Variants in GTF2E2 observed in about 807,000 individuals in gnomAD.
GTF2E2 encodes the protein transcription initiation factor IIE subunit beta.
GTF2E2 carries 21 observed loss-of-function variants against 40.5 expected under a neutral mutation model. That is an observed-to-expected ratio of 0.52 (90% CI 0.37 to 0.75). GTF2E2 has a LOEUF of 0.75. Among genes scored for constraint, GTF2E2 ranks in the 30% least tolerant of loss-of-function variants. The probability of loss-of-function intolerance (pLI) is 0.00; values close to 1 mark genes in which losing one functional copy is unlikely to be tolerated. For synonymous variants in GTF2E2, 117 were observed against 121.6 expected, an observed-to-expected ratio of 0.96 and a Z score of 0.25; for missense variants, 298 against 338.4, an observed-to-expected ratio of 0.88 and a Z score of 0.94.
intron 2 of GTF2E2, among the ~76,000 whole-genome samples, chr8:30,639,197 A>C (rs1002571099): frequency 6.6e-6 from 1 of 152,194 alleles, no homozygotes; most frequent in Non-Finnish European, 1.5e-5. Flanking sequence ...AATTATCACA[A>C]TTTTAATTTT....
At chr8:30,635,195 TA>T (rs1801556466) in intron 2 of GTF2E2, 72 bp from the exon 3 acceptor site, 1 of 798,936 alleles carries the variant, frequency 1.3e-6, no homozygotes, top group East Asian at 2.5e-5. Context: ...AAAATAATTT[TA>T]ATGCTGGTAA....
At chr8:30,591,083 C>T (rs1262775471) in intron 6 of GTF2E2, among the ~76,000 whole-genome samples, 2 of 152,198 alleles carry the variant, frequency 1.3e-5, no homozygotes, top group Non-Finnish European at 2.9e-5. Context: ...AAGCATGTAT[C>T]TCACAATGGC....
intron 6 of GTF2E2, among the ~76,000 whole-genome samples, chr8:30,590,594 TA>T (rs1266843606): frequency 6.6e-6 from 1 of 152,046 alleles, no homozygotes; most frequent in African/African-American, 2.4e-5. Flanking sequence ...AAAACAGAGG[TA>T]AATCTTCATG....
At chr8:30,583,688 G>T (rs1229324875) in intron 6 of GTF2E2, among the ~76,000 whole-genome samples, 2 of 151,910 alleles carry the variant, frequency 1.3e-5, no homozygotes, top group African/African-American at 2.4e-5. Flanking sequence ...CCTCCAACTT[G>T]TTTTTCAATT....
chr8:30,582,509 C>A (rs2151105716), intron 6 of GTF2E2, among the ~76,000 whole-genome samples: 1 of 152,258 alleles, frequency 6.6e-6, no homozygotes, highest in East Asian at 1.9e-4. Context: ...CATCAACAGG[C>A]CTTACTGAAA....
rs1828428996 is a variant in GTF2E2, at chr8:30,578,844, A to C, written c.*77T>G. 1 of 793,632 alleles carries C rather than the reference A, an allele frequency of 1.3e-6. No homozygotes were observed. The highest frequency in any genetic ancestry group is 2.3e-6 in the Non-Finnish European group (1 of 437,858). 49.2% of individuals were successfully genotyped at this position (793,632 alleles called of 1,614,324 possible). The stretch of plus-strand genomic sequence containing the variant: ...AGCCGCAAGAAGCAGATAGGAAGAC[A>C]GTCTTCAGACCCCGAGCATCAGCAA... On this transcript the variant is annotated 3_prime_UTR_variant, in exon 8 of 8. Coordinates refer to ENST00000355904, the MANE Select transcript of GTF2E2 (RefSeq NM_002095.6).
At chr8:30,592,227 A>T (rs2151112848) in intron 6 of GTF2E2, among the ~76,000 whole-genome samples, 1 of 152,204 alleles carries the variant, frequency 6.6e-6, no homozygotes, top group Admixed American at 6.5e-5. Context: ...AAAAATACAA[A>T]CATTAGCCAG....
chr8:30,587,326 T>A (rs143690055), intron 6 of GTF2E2, among the ~76,000 whole-genome samples: 5 of 152,184 alleles, frequency 3.3e-5, no homozygotes, highest in African/African-American at 9.6e-5. Flanking sequence ...GATGACAGGA[T>A]CACTTCAGCC....
intron 3 of GTF2E2, among the ~76,000 whole-genome samples, chr8:30,620,265 C>A (rs1229249160): frequency 1.3e-5 from 2 of 150,042 alleles, no homozygotes; most frequent in African/African-American, 5.0e-5. Flanking sequence ...CACAAACACA[C>A]ACACACACGT....
intron 5 of GTF2E2, among the ~76,000 whole-genome samples, chr8:30,611,608 C>T (rs1383162508): frequency 6.6e-6 from 1 of 152,064 alleles, no homozygotes; most frequent in African/African-American, 2.4e-5. Context: ...GTGAACTTGA[C>T]AATGGATTAA....
At chr8:30,647,525 G>A (rs1802136800) in intron 2 of GTF2E2, among the ~76,000 whole-genome samples, 1 of 152,190 alleles carries the variant, frequency 6.6e-6, no homozygotes, top group Non-Finnish European at 1.5e-5. Flanking sequence ...AGGTTGCAGT[G>A]AGCTGAGATC....
chr8:30,586,361 T>C (rs1828683473), intron 6 of GTF2E2, among the ~76,000 whole-genome samples: 1 of 152,122 alleles, frequency 6.6e-6, no homozygotes, highest in Admixed American at 6.5e-5. Context: ...TGTGAATACG[T>C]TACCATAAAA....
chr8:30,603,869 A>T (rs1202547487), intron 6 of GTF2E2, among the ~76,000 whole-genome samples: 1 of 152,150 alleles, frequency 6.6e-6, no homozygotes, highest in African/African-American at 2.4e-5. Context: ...AGAGAAAATA[A>T]CAGTGAGAAA....
chr8:30,598,879 C>T (rs756157693), intron 6 of GTF2E2, among the ~76,000 whole-genome samples: 3 of 152,146 alleles, frequency 2.0e-5, no homozygotes, highest in Non-Finnish European at 4.4e-5. Context: ...CAATCTTTGG[C>T]TGGGCATGGT....
intron 3 of GTF2E2, among the ~76,000 whole-genome samples, chr8:30,632,394 A>G (rs1360298984): frequency 6.6e-6 from 1 of 152,130 alleles, no homozygotes; most frequent in East Asian, 1.9e-4. Context: ...ATAGAGGAAA[A>G]TTTTATGATT....
At chr8:30,601,114 G>C (rs1585951345) in intron 6 of GTF2E2, among the ~76,000 whole-genome samples, 1 of 152,122 alleles carries the variant, frequency 6.6e-6, no homozygotes, top group South Asian at 2.1e-4. Flanking sequence ...TAAAAGACTG[G>C]TGGTACCTTA....
In GTF2E2 at chr8:30,645,289, G is replaced by C. The variant is rs1199597409; in HGVS notation, c.166+8144C>G. On this transcript the variant is annotated intron_variant, in intron 2 of 7. Transcript: ENST00000355904. Reference sequence around the variant, plus strand: ...TTCTACCTTTTTTATAGATTCAAAAGAGCAAGTGGAATCTCTAAGAATGGC... The same window carrying C: ...TTCTACCTTTTTTATAGATTCAAAACAGCAAGTGGAATCTCTAAGAATGGC... The C allele has an allele frequency of 1.7e-5, 26 of 1,524,962 alleles. No homozygotes were observed. In the East Asian group the frequency reaches 5.1e-4, roughly 30 times the overall value. 94.5% of individuals were successfully genotyped at this position (1,524,962 alleles called of 1,614,324 possible). A position where few individuals can be genotyped will look rare whatever the true frequency, so the allele number is the denominator to read the frequency against.
At chr8:30,656,731 C>T (rs1802458396) in intron 1 of GTF2E2, 2 of 147,340 alleles carry the variant, frequency 1.4e-5, no homozygotes, top group African/African-American at 5.0e-5. Flanking sequence ...TCGCTTGAAC[C>T]AGGGACGTGG....
intron 6 of GTF2E2, among the ~76,000 whole-genome samples, chr8:30,605,748 A>G (rs1260755600): frequency 6.6e-6 from 1 of 151,980 alleles, no homozygotes; most frequent in Non-Finnish European, 1.5e-5. Flanking sequence ...GTAACCTCTA[A>G]CTCCTGAGTT....
Sources: gnomAD v4.1 joint callset for allele counts (sites outside exome capture counted in the v4.1 genomes callset) on GRCh38, gnomAD v4.1.1 for gene constraint, MANE v1.5 for transcripts, NCBI Gene and HGNC (gene_info 2026-07-23, HGNC 2026-07-21) for gene names.